ABTB3: variants seen among roughly 807,000 people sequenced by gnomAD.
ABTB3 encodes ankyrin repeat- and BTB/POZ domain-containing protein 3.
At chr12:107,439,061 A>G in the ABTB3 span, among the ~76,000 whole-genome samples, 1 of 152,156 alleles carries the variant, frequency 6.6e-6, no homozygotes, top group Admixed American at 6.5e-5. Context: ...TGTGGCTACC[A>G]TTTGTCTCTT....
At chr12:107,348,093 G>A in the ABTB3 span, among the ~76,000 whole-genome samples, 30,403 of 151,964 alleles carry the variant, frequency 0.2, 3,508 homozygotes, top group East Asian at 0.34. Context: ...GTGGGAAGGC[G>A]TGGTGGTGGG....
the ABTB3 span, among the ~76,000 whole-genome samples, chr12:107,622,196 A>G: frequency 3.3e-5 from 5 of 152,188 alleles, no homozygotes. Flanking sequence ...GTGGCTTTAC[A>G]CATCACATGC....
the ABTB3 span, among the ~76,000 whole-genome samples, chr12:107,579,366 A>G: frequency 1.3e-5 from 2 of 152,148 alleles, no homozygotes; most frequent in African/African-American, 4.8e-5. Flanking sequence ...CACATGCTAT[A>G]TAGTCAAGTA....
At chr12:107,421,350 G>A in the ABTB3 span, among the ~76,000 whole-genome samples, 3 of 152,188 alleles carry the variant, frequency 2.0e-5, no homozygotes, top group Non-Finnish European at 4.4e-5. Context: ...CCCACAGCAC[G>A]TGGACTTCTC....
the ABTB3 span, among the ~76,000 whole-genome samples, chr12:107,492,222 G>A: frequency 4.2e-4 from 64 of 152,184 alleles, no homozygotes; most frequent in East Asian, 6.6e-3. Context: ...AGGAATTCCC[G>A]CCCACCCGGT....
chr12:107,529,764 C>T, the ABTB3 span, among the ~76,000 whole-genome samples: 4 of 152,128 alleles, frequency 2.6e-5, no homozygotes, highest in African/African-American at 7.2e-5. Context: ...AGTTAGTAGC[C>T]GGTTGGAGGC....
At chr12:107,544,363 C>T in the ABTB3 span, among the ~76,000 whole-genome samples, 15,916 of 152,176 alleles carry the variant, frequency 0.1, 1,160 homozygotes, top group East Asian at 0.24. Flanking sequence ...TAAAACTGGC[C>T]TATGTCAGAT....
At chr12:107,550,514 A>C in the ABTB3 span, among the ~76,000 whole-genome samples, 1 of 151,148 alleles carries the variant, frequency 6.6e-6, no homozygotes, top group South Asian at 2.1e-4. Flanking sequence ...AAAAAATGAA[A>C]AACAACAACA....
chr12:107,499,362 C>CTG, the ABTB3 span, among the ~76,000 whole-genome samples: 52,710 of 149,556 alleles, frequency 0.35, 10,146 homozygotes, highest in African/African-American at 0.53. Context: ...AAGAGGGAAG[C>CTG]TGTGTGTGTG....
chr12:107,511,434 T>C, the ABTB3 span, among the ~76,000 whole-genome samples: 1 of 152,206 alleles, frequency 6.6e-6, no homozygotes, highest in African/African-American at 2.4e-5. Context: ...TATGAGTCTG[T>C]GGTGAATTGC....
chr12:107,382,046 C>A, the ABTB3 span, among the ~76,000 whole-genome samples: 1 of 152,088 alleles, frequency 6.6e-6, no homozygotes, highest in African/African-American at 2.4e-5. Flanking sequence ...ATGGAGCTTG[C>A]ATTCTAATTA....
the ABTB3 span, among the ~76,000 whole-genome samples, chr12:107,616,016 TG>T: frequency 6.6e-6 from 1 of 152,118 alleles, no homozygotes; most frequent in African/African-American, 2.4e-5. Flanking sequence ...TGTTGTTTCC[TG>T]GGTCATGAGA....
chr12:107,576,418 G>A, the ABTB3 span, among the ~76,000 whole-genome samples: 365 of 152,278 alleles, frequency 2.4e-3, 2 homozygotes, highest in African/African-American at 8.2e-3. Context: ...CTCCAAGGCC[G>A]CTCTTCTTGG....
At chr12:107,614,179 G>A in the ABTB3 span, among the ~76,000 whole-genome samples, 2 of 152,142 alleles carry the variant, frequency 1.3e-5, no homozygotes, top group Non-Finnish European at 2.9e-5. Flanking sequence ...TGGGAGAAAA[G>A]CTCCATGTGG....
At chr12:107,394,500 G>T in the ABTB3 span, among the ~76,000 whole-genome samples, 14 of 152,218 alleles carry the variant, frequency 9.2e-5, no homozygotes, top group Non-Finnish European at 1.8e-4. Flanking sequence ...AATGGGAAAT[G>T]AATGCAGATG....
chr12:107,642,885 G>A, the ABTB3 span, among the ~76,000 whole-genome samples: 5 of 151,918 alleles, frequency 3.3e-5, no homozygotes, highest in African/African-American at 1.2e-4. Flanking sequence ...GAGGAGCACC[G>A]CAGCTTTTTT....
the ABTB3 span, among the ~76,000 whole-genome samples, chr12:107,560,286 G>C: frequency 1.3e-5 from 2 of 152,166 alleles, no homozygotes; most frequent in African/African-American, 2.4e-5. Context: ...GAGAGGAAAT[G>C]GTTATGAAGA....
At chr12:107,651,836 G>A in the ABTB3 span, 22 of 1,513,760 alleles carry the variant, frequency 1.5e-5, no homozygotes, top group East Asian at 6.8e-5. Context: ...CGCTGAAGCC[G>A]GGGAGGCTTT....
the ABTB3 span, among the ~76,000 whole-genome samples, chr12:107,334,274 A>G: frequency 6.6e-6 from 1 of 152,156 alleles, no homozygotes; most frequent in Non-Finnish European, 1.5e-5. Context: ...AGGCTCTTCC[A>G]ATAGCCCAGG....
Sources: allele counts gnomAD v4.1 joint callset (sites outside exome capture counted in the v4.1 genomes callset), GRCh38; gene constraint gnomAD v4.1.1; transcripts MANE v1.5; gene names NCBI Gene and HGNC (gene_info 2026-07-23, HGNC 2026-07-21).